The following CCDC141 variants were observed in gnomAD, a reference collection of about 807,000 sequenced individuals.
The protein encoded by CCDC141 is coiled-coil domain-containing protein 141.
In CCDC141, 168 loss-of-function variants were observed where a neutral mutation model predicts 181.0. That is an observed-to-expected ratio of 0.93 (90% CI 0.82 to 1.05). CCDC141 has a LOEUF of 1.05. CCDC141 is among the 50% of genes least tolerant of loss of function. The pLI is 0.00. For synonymous variants in CCDC141, 666 were observed against 642.3 expected (o/e 1.04, Z -0.56); for missense variants, 1,902 against 1,788.5 (o/e 1.06, Z -1.14).
At chr2:178,819,245 A>G in the CCDC141 span, among the ~76,000 whole-genome samples, 2 of 152,200 alleles carry the variant, frequency 1.3e-5, no homozygotes, top group African/African-American at 4.8e-5. Flanking sequence ...TCCAGAATAT[A>G]GACTTCAGTC....
chr2:178,831,726 GTAAT>G lies in CCDC141; in HGVS notation c.*2443_*2446del, dbSNP rs796187449. 6.1e-4 allele frequency: 93 copies of G among 152,264 alleles called. No individual in the cohort carries two copies. Among genetic ancestry groups the G allele is most frequent in the African/African-American group, 1.9e-3 (79 of 41,554 alleles). 9.4% of individuals were successfully genotyped at this position (152,264 alleles called of 1,614,324 possible). ...AAAACATAACCAGAAGAATAACTGC[GTAAT>G]TATTCTTTACTGCTGTGGGAGTCAA... On this transcript the variant is annotated 3_prime_UTR_variant, in exon 24 of 24. Transcript: ENST00000443758.
chr2:178,857,167 CTA>C (rs1249429235), intron 17 of CCDC141, among the ~76,000 whole-genome samples: 1 of 152,090 alleles, frequency 6.6e-6, no homozygotes, highest in Non-Finnish European at 1.5e-5. Context: ...CCAGATCTCT[CTA>C]TCTTTTAATA....
At chr2:178,908,404 G>A (rs925462933) in intron 7 of CCDC141, among the ~76,000 whole-genome samples, 6 of 152,086 alleles carry the variant, frequency 3.9e-5, no homozygotes, top group Non-Finnish European at 7.4e-5. Flanking sequence ...ATGTTGGCCA[G>A]GCTGGTCTCG....
At chr2:178,863,380 G>A (rs1018670587) in intron 17 of CCDC141, among the ~76,000 whole-genome samples, 3 of 152,176 alleles carry the variant, frequency 2.0e-5, no homozygotes, top group Non-Finnish European at 2.9e-5. Flanking sequence ...GCTATACTTG[G>A]TTTAGTCCTC....
rs1689274704 is a variant in CCDC141, at chr2:178,936,075, T to C, written c.897+8460A>G. Among the ~76,000 whole-genome samples the C allele has an allele frequency of 2.6e-5, 4 of 152,190 alleles. No individual in the cohort carries two copies. The South Asian group carries it at 8.3e-4, about 31-fold the overall frequency. ...TGTTTACTCTGTTGATAGTTTCTTT[T>C]GCTTTGCAGAAGCTCTTTAGTTTAA... is the stretch of plus-strand genomic sequence containing the variant. On this transcript the variant is annotated intron_variant, in intron 6 of 23. Coordinates refer to ENST00000443758, the MANE Select transcript of CCDC141 (RefSeq NM_173648.4).
At chr2:178,855,237 T>A (rs1186589226) in intron 19 of CCDC141, 110 bp downstream of exon 19, 19 of 840,724 alleles carry the variant, frequency 2.3e-5, no homozygotes, top group Non-Finnish European at 3.6e-5. Context: ...AAAAGGAGCA[T>A]GATACATGAA....
At chr2:178,901,285 A>C (rs908882173) in intron 8 of CCDC141, among the ~76,000 whole-genome samples, 5 of 152,144 alleles carry the variant, frequency 3.3e-5, no homozygotes, top group Admixed American at 1.3e-4. Context: ...ATACCAAAGC[A>C]AGGCAGAGAC....
chr2:178,916,330 T>C (rs1688445473), intron 7 of CCDC141, among the ~76,000 whole-genome samples: 1 of 152,120 alleles, frequency 6.6e-6, no homozygotes, highest in East Asian at 1.9e-4. Flanking sequence ...AAACTTCAGT[T>C]CTTTATTTAA....
intron 10 of CCDC141, among the ~76,000 whole-genome samples, chr2:178,886,053 T>A (rs1686867757): frequency 6.6e-6 from 1 of 152,104 alleles, no homozygotes; most frequent in African/African-American, 2.4e-5. Context: ...AATACCCAAT[T>A]TAACAAAAAA....
At chr2:178,899,134 T>C (rs1411104247) in intron 8 of CCDC141, among the ~76,000 whole-genome samples, 2 of 152,208 alleles carry the variant, frequency 1.3e-5, no homozygotes, top group African/African-American at 2.4e-5. Flanking sequence ...CAGGTTTAGA[T>C]ACATGAATAC....
chr2:178,849,199 C>A (rs1685062704), intron 21 of CCDC141, among the ~76,000 whole-genome samples: 1 of 152,180 alleles, frequency 6.6e-6, no homozygotes, highest in East Asian at 1.9e-4. Context: ...AACTGCAAGA[C>A]CACCACTAGG....
Position 178,837,331 on chromosome 2 carries a change from A to C in CCDC141, c.3888T>G (p.Ala1296=). ...ATCCTCTGGAGGTTAGTGGGGGCTC[A>C]GCTTTGAACTGGAGGTAAGGCCTCT... ...HFERPYLQFK[A]EPPLTSRGFV... Residue 1296 remains alanine (A), a synonymous_variant, in exon 23 of 24, where the codon GCT becomes GCG. Coordinates refer to ENST00000443758, the MANE Select transcript of CCDC141 (RefSeq NM_173648.4). 2 of 1,614,110 alleles carry C rather than the reference A, an allele frequency of 1.2e-6. No homozygotes were observed. Among genetic ancestry groups the C allele is most frequent in the Non-Finnish European group, 1.7e-6 (2 of 1,179,986 alleles).
intron 6 of CCDC141, chr2:178,926,578 G>C (rs1424500158): frequency 6.6e-6 from 1 of 152,094 alleles, no homozygotes; most frequent in South Asian, 2.1e-4. Flanking sequence ...TGCAATATTG[G>C]ATATCATTAG....
intron 10 of CCDC141, among the ~76,000 whole-genome samples, chr2:178,885,732 G>A (rs1034761340): frequency 6.6e-6 from 1 of 152,120 alleles, no homozygotes; most frequent in African/African-American, 2.4e-5. Flanking sequence ...TGGGCATGAC[G>A]ATTATGCATG....
intron 14 of CCDC141, 74 bp downstream of exon 14, chr2:178,871,353 A>C: frequency 6.8e-7 from 1 of 1,467,968 alleles, no homozygotes; most frequent in Non-Finnish European, 9.3e-7. Flanking sequence ...TGTTACAATT[A>C]ATCAGGTAAA....
intron 8 of CCDC141, among the ~76,000 whole-genome samples, chr2:178,899,505 T>C (rs1021899024): frequency 1.3e-5 from 2 of 152,216 alleles, no homozygotes; most frequent in Non-Finnish European, 2.9e-5. Context: ...AATGTATATC[T>C]TCATTTTACA....
intron 2 of CCDC141, among the ~76,000 whole-genome samples, chr2:179,012,456 A>G (rs531820559): frequency 1.3e-5 from 2 of 152,276 alleles, no homozygotes; most frequent in African/African-American, 4.8e-5. Flanking sequence ...AACAACAAGC[A>G]GTGAGATTGA....
At chr2:178,878,800 T>G (rs1686467470) in intron 11 of CCDC141, among the ~76,000 whole-genome samples, 1 of 152,164 alleles carries the variant, frequency 6.6e-6, no homozygotes, top group Non-Finnish European at 1.5e-5. Context: ...GTTTTTCAAT[T>G]TGGGACAATT....
chr2:179,030,886 A>G (rs897057915), intron 2 of CCDC141, among the ~76,000 whole-genome samples: 1 of 151,788 alleles, frequency 6.6e-6, no homozygotes, highest in Non-Finnish European at 1.5e-5. Context: ...TCATCTCACA[A>G]TTTTCGTTTT....
Sources: gnomAD v4.1 joint callset for allele counts (sites outside exome capture counted in the v4.1 genomes callset) on GRCh38, gnomAD v4.1.1 for gene constraint, MANE v1.5 for transcripts, NCBI Gene and HGNC (gene_info 2026-07-23, HGNC 2026-07-21) for gene names.